The following CPNE8 variants were observed in gnomAD, a reference collection of about 807,000 sequenced individuals.
The protein encoded by CPNE8 is copine-8.
In CPNE8, 45 loss-of-function variants were observed where a neutral mutation model predicts 81.5. The observed-to-expected ratio is 0.55, with a 90% confidence interval of 0.44 to 0.71. The LOEUF (loss-of-function observed/expected upper bound fraction) is 0.71. CPNE8 is among the 30% of genes least tolerant of loss of function. The pLI, the probability that CPNE8 is intolerant of heterozygous loss-of-function variation, is 0.00. For missense variants in CPNE8, 594 were observed against 672.1 expected (o/e 0.88, Z 1.28); for synonymous variants, 252 against 226.3 (o/e 1.11, Z -1.02).
At chr12:38,786,501 T>C (rs1385808116) in intron 6 of CPNE8, among the ~76,000 whole-genome samples, 1 of 152,134 alleles carries the variant, frequency 6.6e-6, no homozygotes, top group Non-Finnish European at 1.5e-5. Context: ...AACATCAGAC[T>C]CCAAGTTCTT....
intron 3 of CPNE8, among the ~76,000 whole-genome samples, chr12:38,864,643 A>G (rs369688932): frequency 2.4e-4 from 36 of 152,312 alleles, no homozygotes; most frequent in African/African-American, 7.9e-4. Flanking sequence ...TCAATTCAAC[A>G]CTACAGTGGC....
At chr12:38,675,378 G>A (rs1939265602) in intron 18 of CPNE8, among the ~76,000 whole-genome samples, 1 of 152,022 alleles carries the variant, frequency 6.6e-6, no homozygotes, top group African/African-American at 2.4e-5. Context: ...GTTTTGCCTT[G>A]GGAACAAAAA....
intron 14 of CPNE8, among the ~76,000 whole-genome samples, chr12:38,695,247 A>T (rs1939767898): frequency 6.6e-6 from 1 of 152,204 alleles, no homozygotes; most frequent in Non-Finnish European, 1.5e-5. Flanking sequence ...TCTCAAGGAC[A>T]TGGAAGGCAT....
intron 19 of CPNE8, among the ~76,000 whole-genome samples, chr12:38,662,186 C>T (rs917019226): frequency 6.6e-6 from 1 of 152,134 alleles, no homozygotes; most frequent in Admixed American, 6.5e-5. Context: ...AAATGAACAG[C>T]ATCCAAATTG....
At chr12:38,773,406 C>T (rs775833610) in intron 7 of CPNE8, among the ~76,000 whole-genome samples, 2 of 152,024 alleles carry the variant, frequency 1.3e-5, no homozygotes, top group Non-Finnish European at 2.9e-5. Context: ...GTGATGGTTT[C>T]ATGGGTATAT....
rs957304058 is a variant in CPNE8 at position 38,760,870 on chromosome 12, C to T, written c.699G>A (p.Val233=). The change falls in exon 10 of 20, where the codon GTG becomes GTA. Residue 233 remains valine (V), a synonymous_variant. Coordinates refer to ENST00000331366, the MANE Select transcript of CPNE8 (RefSeq NM_153634.3). ...ACCTTCCATCTCGGTCCCAGTCATA[C>T]ACCTCTACTTTGATTGTTCTGTACA... ...GDYDRTIKVE[V]YDWDRDGSHD... is the part of the protein sequence containing the mutation. 2 of 1,580,836 alleles carry T rather than the reference C, an allele frequency of 1.3e-6. No individual in the cohort carries two copies. The highest frequency in any genetic ancestry group is 1.7e-6 in the Non-Finnish European group (2 of 1,169,126).
intron 1 of CPNE8, among the ~76,000 whole-genome samples, chr12:38,894,424 C>G (rs917233664): frequency 6.6e-6 from 1 of 151,984 alleles, no homozygotes; most frequent in Admixed American, 6.6e-5. Flanking sequence ...CCTCCTTTCC[C>G]CAATGCCTAC....
In CPNE8 at chr12:38,674,372, C is replaced by A. The variant is rs1327625160; in HGVS notation, c.1432+1345G>T. Among the ~76,000 whole-genome samples, 11 of 152,132 alleles carry A rather than the reference C, an allele frequency of 7.2e-5. No individual in the cohort carries two copies. In the East Asian group the frequency reaches 1.7e-3, roughly 24 times the overall value. On this transcript the variant is annotated intron_variant, in intron 18 of 19. Transcript: ENST00000331366. ...GGAGTCTGAGAGACCTGAGATATAC[C>A]CATGAAAGATACATCCTTCAAAGTC...
chr12:38,685,581 C>T lies in CPNE8; in HGVS notation c.1180G>A (p.Glu394Lys). ...NPQNPYCDGI[E>K]GVMEAYYRSL... Reference sequence around the variant, plus strand: ...CTGTAATAAGCCTCCATGACCCCCTCAATGCCATCACAGTAGGGGTTTTGA... The same window carrying T: ...CTGTAATAAGCCTCCATGACCCCCTTAATGCCATCACAGTAGGGGTTTTGA... Residue 394 changes from glutamate to lysine, a missense_variant, in exon 16 of 20, where the codon GAG (glutamate) becomes AAG (lysine). Glu to Lys is a moderately conservative substitution (Grantham distance 56, BLOSUM62 1). Transcript: ENST00000331366. The T allele has an allele frequency of 6.2e-7, 1 of 1,613,564 alleles. No individual in the cohort carries two copies. The highest frequency in any genetic ancestry group is 1.3e-5 in the African/African-American group (1 of 75,006).
intron 5 of CPNE8, among the ~76,000 whole-genome samples, chr12:38,830,171 T>A (rs1943261493): frequency 6.6e-6 from 1 of 152,220 alleles, no homozygotes; most frequent in African/African-American, 2.4e-5. Flanking sequence ...ATGAGAGGTC[T>A]GATATTAACA....
At chr12:38,815,283 C>G (rs375885683) in intron 6 of CPNE8, among the ~76,000 whole-genome samples, 13 of 152,038 alleles carry the variant, frequency 8.6e-5, no homozygotes, top group African/African-American at 2.9e-4. Flanking sequence ...TTTTTCAAGC[C>G]CCCCAGCACT....
chr12:38,677,673 G>C (rs1310022338), intron 16 of CPNE8, 119 bp from the exon 17 acceptor site: 5 of 654,936 alleles, frequency 7.6e-6, no homozygotes, highest in African/African-American at 1.8e-5. Context: ...GAACATGTTA[G>C]AGGTATATCT....
chr12:38,896,012 G>A (rs1399245290), intron 1 of CPNE8, among the ~76,000 whole-genome samples: 1 of 151,974 alleles, frequency 6.6e-6, no homozygotes, highest in Non-Finnish European at 1.5e-5. Flanking sequence ...AGAATTGCAA[G>A]GATTGAATGA....
intron 7 of CPNE8, among the ~76,000 whole-genome samples, chr12:38,768,952 A>G (rs993725719): frequency 3.9e-5 from 6 of 152,224 alleles, no homozygotes; most frequent in Non-Finnish European, 7.3e-5. Flanking sequence ...TCCCTTATTC[A>G]TCACTTCTTT....
chr12:38,673,054 T>C (rs1477508869), intron 18 of CPNE8, among the ~76,000 whole-genome samples: 1 of 152,122 alleles, frequency 6.6e-6, no homozygotes, highest in Non-Finnish European at 1.5e-5. Flanking sequence ...GGGAAGTGAC[T>C]GGATTATGGG....
chr12:38,799,840 C>T (rs1401398443), intron 6 of CPNE8, among the ~76,000 whole-genome samples: 3 of 149,808 alleles, frequency 2.0e-5, no homozygotes, highest in Non-Finnish European at 3.0e-5. Flanking sequence ...CATTGCCTCA[C>T]CTGGGAAGCG....
At chr12:38,866,299 T>A (rs1290377989) in intron 3 of CPNE8, among the ~76,000 whole-genome samples, 1 of 152,212 alleles carries the variant, frequency 6.6e-6, no homozygotes, top group Admixed American at 6.5e-5. Context: ...TAAAGAAATA[T>A]AGTTGCTGTA....
chr12:38,755,322 C>T (rs962157868), intron 10 of CPNE8, among the ~76,000 whole-genome samples: 1 of 152,158 alleles, frequency 6.6e-6, no homozygotes, highest in Non-Finnish European at 1.5e-5. Flanking sequence ...TTCATCAAAG[C>T]ATCATTTTTC....
chr12:38,834,005 A>G (rs747203130), intron 5 of CPNE8, among the ~76,000 whole-genome samples: 22 of 152,178 alleles, frequency 1.4e-4, no homozygotes, highest in Non-Finnish European at 3.1e-4. Flanking sequence ...AGCAGGTTAG[A>G]GCAGGGTGAG....
Sources: gnomAD v4.1 joint callset for allele counts (sites outside exome capture counted in the v4.1 genomes callset) on GRCh38, gnomAD v4.1.1 for gene constraint, MANE v1.5 for transcripts, NCBI Gene and HGNC (gene_info 2026-07-23, HGNC 2026-07-21) for gene names.